RANBP2: variants seen among roughly 807,000 people sequenced by gnomAD.
RANBP2 encodes the protein RAN binding protein 2.
In RANBP2, 57 loss-of-function variants were observed where a neutral mutation model predicts 303.6. The ratio of observed to expected loss-of-function variants is 0.19; its 90% CI spans 0.15 to 0.23. The LOEUF is 0.23. Among genes scored for constraint, RANBP2 ranks in the 10% least tolerant of loss-of-function variants. The pLI, the probability that RANBP2 is intolerant of heterozygous loss-of-function variation, is 1.00. For missense variants in RANBP2, 3,138 were observed against 3,780.8 expected (o/e 0.83, Z 4.46); for synonymous variants, 1,167 against 1,301.5 (o/e 0.90, Z 2.23).
Position 108,773,035 on chromosome 2 carries a change from C to G in RANBP2, c.8281C>G (p.Gln2761Glu). 1.2e-6 allele frequency: 2 copies of G among 1,611,392 alleles called. No individual in the cohort carries two copies. The highest frequency in any genetic ancestry group is 2.2e-5 in the South Asian group (2 of 90,630). ...CTTTCAATCAGAGCTTCAAAAAGTTCAGGAAGCTCAAGTAAGAACATCTCT... is the reference window on the plus strand; with the variant it reads ...CTTTCAATCAGAGCTTCAAAAAGTTGAGGAAGCTCAAGTAAGAACATCTCT... The part of the protein sequence containing the change: ...EDFQSELQKV[Q>E]EAQKSQTEEI... The change falls in exon 23 of 29, where the codon CAG (glutamine) becomes GAG (glutamate). Residue 2761 changes from glutamine to glutamate, a missense_variant. Gln to Glu is a conservative substitution (Grantham distance 29). Coordinates refer to ENST00000283195, the MANE Select transcript of RANBP2 (RefSeq NM_006267.5).
chr2:108,999,810 G>A, the RANBP2 span, among the ~76,000 whole-genome samples: 1 of 152,182 alleles, frequency 6.6e-6, no homozygotes, highest in African/African-American at 2.4e-5. Context: ...GAGGCATGGG[G>A]AGAAATGAAG....
chr2:109,698,975 C>A, the RANBP2 span, among the ~76,000 whole-genome samples: 1 of 152,186 alleles, frequency 6.6e-6, no homozygotes, highest in Non-Finnish European at 1.5e-5. Context: ...AAATTCCCTG[C>A]AGATATTTTT....
At chr2:109,131,030 A>C in the RANBP2 span, among the ~76,000 whole-genome samples, 1 of 152,192 alleles carries the variant, frequency 6.6e-6, no homozygotes, top group Non-Finnish European at 1.5e-5. Context: ...TACATTATCT[A>C]TTGGAATAAT....
the RANBP2 span, among the ~76,000 whole-genome samples, chr2:108,977,074 T>C: frequency 2.0e-5 from 3 of 152,156 alleles, no homozygotes; most frequent in Non-Finnish European, 2.9e-5. Context: ...GAAAGACACC[T>C]GTGCTGTGAT....
At chr2:109,271,114 C>T in the RANBP2 span, among the ~76,000 whole-genome samples, 48,679 of 152,060 alleles carry the variant, frequency 0.32, 8,362 homozygotes, top group South Asian at 0.42. Flanking sequence ...AGCCAGCGAA[C>T]GGGGCGAAGT....
the RANBP2 span, chr2:109,371,462 ACT>A: frequency 1.4e-6 from 1 of 691,218 alleles, no homozygotes. Context: ...TGGATAATGC[ACT>A]CTTCTTGAAC....
the RANBP2 span, among the ~76,000 whole-genome samples, chr2:109,114,882 C>T: frequency 2.0e-5 from 3 of 152,162 alleles, no homozygotes; most frequent in East Asian, 1.9e-4. Flanking sequence ...GCCTTCATTT[C>T]GTTATGTACC....
chr2:108,782,306 A>G lies in RANBP2; in HGVS notation c.8939A>G (p.Lys2980Arg), dbSNP rs764160443. ...RILMRRDQVF[K>R]VCANHVITKT... is the part of the protein sequence containing the mutation. Reference sequence around the variant, plus strand: ...CTAATGAGAAGAGACCAGGTTTTTAAAGTGTGTGCAAACCACGTTATTACT... The same window carrying G: ...CTAATGAGAAGAGACCAGGTTTTTAGAGTGTGTGCAAACCACGTTATTACT... Residue 2980 changes from lysine to arginine, a missense_variant, in exon 27 of 29, where the codon AAA becomes AGA. Physicochemically the swap from Lys to Arg is conservative, Grantham distance 26. Around this residue, in one of 20 missense-constraint regions of RANBP2, gnomAD observed 68 missense variants for 117.4 expected, o/e 0.58. Transcript: ENST00000283195. 3.1e-6 allele frequency: 5 copies of G among 1,614,154 alleles called. No homozygotes were observed. The highest frequency in any genetic ancestry group is 3.3e-4 in the Middle Eastern group (2 of 6,062).
At chr2:109,404,966 C>T in the RANBP2 span, among the ~76,000 whole-genome samples, 7 of 152,102 alleles carry the variant, frequency 4.6e-5, no homozygotes, top group South Asian at 1.0e-3. Flanking sequence ...CCTGGCCCCT[C>T]CTGCCAGACC....
the RANBP2 span, among the ~76,000 whole-genome samples, chr2:108,887,710 TTA>T: frequency 6.6e-6 from 1 of 152,218 alleles, no homozygotes; most frequent in Non-Finnish European, 1.5e-5. Context: ...CTACTGATTT[TTA>T]TATGTTGGTT....
the RANBP2 span, among the ~76,000 whole-genome samples, chr2:109,312,992 C>T: frequency 0.31 from 47,389 of 151,952 alleles, 9,149 homozygotes; most frequent in African/African-American, 0.55. Context: ...TACAGTAATG[C>T]GGAAGAAGGG....
At chr2:109,247,811 G>T in the RANBP2 span, among the ~76,000 whole-genome samples, 2 of 152,146 alleles carry the variant, frequency 1.3e-5, no homozygotes, top group African/African-American at 4.8e-5. Flanking sequence ...TGTTGGCTGG[G>T]GTTACTGGGG....
At chr2:109,129,562 C>T in the RANBP2 span, 9 of 1,490,438 alleles carry the variant, frequency 6.0e-6, no homozygotes, top group South Asian at 1.0e-4. Context: ...AGCGTCCTGG[C>T]TGTGCGCATC....
chr2:109,265,916 A>T, the RANBP2 span, among the ~76,000 whole-genome samples: 2 of 152,146 alleles, frequency 1.3e-5, no homozygotes, highest in African/African-American at 4.8e-5. Context: ...GAAGTTTCAG[A>T]GATTGAAGGA....
chr2:109,660,859 A>G, the RANBP2 span, among the ~76,000 whole-genome samples: 1 of 151,734 alleles, frequency 6.6e-6, no homozygotes, highest in Admixed American at 6.6e-5. Flanking sequence ...GGGTGTAGAG[A>G]AGGTGCTAGC....
chr2:109,458,572 C>CAGAGAGAGAGAG, the RANBP2 span, among the ~76,000 whole-genome samples: 2,212 of 123,014 alleles, frequency 0.018, 130 homozygotes, highest in African/African-American at 0.052. Flanking sequence ...CAGCAGGAGA[C>CAGAGAGAGAGAG]AGAGAGAGAG....
At chr2:109,393,705 C>G in the RANBP2 span, among the ~76,000 whole-genome samples, 4 of 151,926 alleles carry the variant, frequency 2.6e-5, no homozygotes, top group Admixed American at 1.3e-4. Flanking sequence ...CAAGCCCTGT[C>G]GCTCAGTGCT....
At chr2:109,192,539 A>T in the RANBP2 span, among the ~76,000 whole-genome samples, 1 of 152,196 alleles carries the variant, frequency 6.6e-6, no homozygotes, top group South Asian at 2.1e-4. Context: ...GGTAATTTCT[A>T]TGCCTGTGCC....
chr2:109,245,911 T>G, the RANBP2 span, among the ~76,000 whole-genome samples: 1 of 152,208 alleles, frequency 6.6e-6, no homozygotes, highest in East Asian at 1.9e-4. Flanking sequence ...CATCATTTAC[T>G]GGTCTCAGGA....
Sources: gnomAD v4.1 joint callset for allele counts (sites outside exome capture counted in the v4.1 genomes callset) on GRCh38, gnomAD v4.1.1 for gene constraint, gnomAD v4.1.1 regional missense constraint, MANE v1.5 for transcripts, NCBI Gene and HGNC (gene_info 2026-07-23, HGNC 2026-07-21) for gene names.